The following KDM2B variants were observed in gnomAD, a reference collection of about 807,000 sequenced individuals.
KDM2B encodes the protein lysine demethylase 2B.
KDM2B carries 26 observed loss-of-function variants against 150.0 expected under a neutral mutation model. The ratio of observed to expected loss-of-function variants is 0.17; its 90% CI spans 0.13 to 0.24. The LOEUF is 0.24. KDM2B is among the 10% of genes least tolerant of loss of function. The pLI is 1.00. For synonymous variants in KDM2B, 734 were observed against 729.5 expected, an observed-to-expected ratio of 1.01 and a Z score of -0.10; for missense variants, 1,265 against 1,816.9, an observed-to-expected ratio of 0.70 and a Z score of 5.52.
chr12:121,421,371 TAAAAAAA>T, the KDM2B span, among the ~76,000 whole-genome samples: 2 of 46,378 alleles, frequency 4.3e-5, no homozygotes, highest in African/African-American at 6.8e-5. Context: ...ATCCCATCTC[TAAAAAAA>T]AAAAAAAAAA....
intron 4 of KDM2B, among the ~76,000 whole-genome samples, chr12:121,556,145 T>A (rs1241010568): frequency 6.6e-6 from 1 of 152,094 alleles, no homozygotes; most frequent in African/African-American, 2.4e-5. Flanking sequence ...CAGGCTGGTC[T>A]TGAACTCCTG....
chr12:121,451,111 C>G (rs782448092), intron 13 of KDM2B, among the ~76,000 whole-genome samples: 2 of 151,920 alleles, frequency 1.3e-5, no homozygotes, highest in East Asian at 1.9e-4. Flanking sequence ...TCTCCTGCCC[C>G]CCCCTTCTAC....
chr12:121,445,938 G>A (rs1876091581), intron 13 of KDM2B, among the ~76,000 whole-genome samples: 1 of 152,176 alleles, frequency 6.6e-6, no homozygotes, highest in Non-Finnish European at 1.5e-5. Flanking sequence ...TTTACAGAAA[G>A]GTTAGGAGGT....
chr12:121,467,184 C>T lies in KDM2B; in HGVS notation c.1735-13840G>A, dbSNP rs1180831465. On this transcript the variant is annotated intron_variant, in intron 12 of 22. Coordinates refer to ENST00000377071, the MANE Select transcript of KDM2B (RefSeq NM_032590.5). This position sits in a 1 kb window ranked among gnomAD's most constrained non-coding sequence, Gnocchi z 5.1. ...TGGTCCGGCTCCGATTCATAGTCGT[C>T]GTCCTCGGCGCTCACGGACATGGCC... 3 of 1,118,108 alleles carry T rather than the reference C, an allele frequency of 2.7e-6. No homozygotes were observed. Among genetic ancestry groups the T allele is most frequent in the Non-Finnish European group, 3.3e-6 (3 of 896,966 alleles). The allele number at this position is 1,118,108 out of a possible 1,614,324, so 69.3% of individuals were successfully genotyped here.
At position 121,430,585 on chromosome 12, in the gene KDM2B, C is replaced by T. The variant is rs1280337793; in HGVS notation, c.3830-116G>A. ...GTCAGAGCTCTACATATTCCAGTCC[C>T]TGCTGTGCTGCACTAAATAAAATGT... On this transcript the variant is annotated intron_variant, in intron 22 of 22. Transcript: ENST00000377071. This position sits in a 1 kb window ranked among gnomAD's most constrained non-coding sequence, Gnocchi z 4.4. The T allele has an allele frequency of 2.8e-6, 2 of 712,422 alleles. No homozygotes were observed. The highest frequency in any genetic ancestry group is 5.0e-6 in the Non-Finnish European group (2 of 399,088). 44.1% of individuals were successfully genotyped at this position (712,422 alleles called of 1,614,324 possible). A position where few individuals can be genotyped will look rare whatever the true frequency, so the allele number is the denominator to read the frequency against.
At chr12:121,477,904 T>A (rs976413833) in intron 12 of KDM2B, among the ~76,000 whole-genome samples, 17 of 151,824 alleles carry the variant, frequency 1.1e-4, no homozygotes, top group African/African-American at 3.1e-4. Flanking sequence ...AACTTTTTTT[T>A]ATCATTAAAA....
At chr12:121,505,741 T>C (rs1217409163) in intron 11 of KDM2B, among the ~76,000 whole-genome samples, 2 of 152,114 alleles carry the variant, frequency 1.3e-5, no homozygotes, top group African/African-American at 4.8e-5. Flanking sequence ...CCAAAGATCC[T>C]AGCAGGTCAG....
chr12:121,435,062 A>G (rs1191577183), intron 22 of KDM2B, among the ~76,000 whole-genome samples: 1 of 147,646 alleles, frequency 6.8e-6, no homozygotes, highest in African/African-American at 2.5e-5. Flanking sequence ...GGCCAGGTGC[A>G]GTGGCTCATG....
At position 121,452,981 on chromosome 12, in the gene KDM2B, A is replaced by C; in HGVS notation, c.1959+139T>G. 1 of 783,266 alleles carries C rather than the reference A, an allele frequency of 1.3e-6. No individual in the cohort carries two copies. The highest frequency in any genetic ancestry group is 2.0e-6 in the Non-Finnish European group (1 of 511,544). 48.5% of individuals were successfully genotyped at this position (783,266 alleles called of 1,614,324 possible). ...CGAAGCGGCCAGCGCCTTCCCGTCC[A>C]CAGGAAGAGCTCTCGGGGAGTCCAC... is the stretch of plus-strand genomic sequence containing the variant. On this transcript the variant is annotated intron_variant, in intron 13 of 22. Transcript: ENST00000377071. This position sits in a 1 kb window ranked among gnomAD's most constrained non-coding sequence, Gnocchi z 4.4.
intron 12 of KDM2B, among the ~76,000 whole-genome samples, chr12:121,488,293 G>A (rs971365386): frequency 3.9e-5 from 6 of 152,186 alleles, no homozygotes; most frequent in South Asian, 2.1e-4. Context: ...TCGTGTCCTC[G>A]ATTTCTATCA....
chr12:121,549,114 G>A lies in KDM2B; in HGVS notation c.577-131C>T, dbSNP rs1287673503. ...TGTGGGCTCAATAGTCCCAACATGGGAGGAAGGAAGGGCAGGGATGACAGG... is the reference window on the plus strand; with the variant it reads ...TGTGGGCTCAATAGTCCCAACATGGAAGGAAGGAAGGGCAGGGATGACAGG... On this transcript the variant is annotated intron_variant, in intron 5 of 22. Coordinates refer to ENST00000377071, the MANE Select transcript of KDM2B (RefSeq NM_032590.5). This position sits in a 1 kb window ranked among gnomAD's most constrained non-coding sequence, Gnocchi z 4.4. 7 of 694,630 alleles carry A rather than the reference G, an allele frequency of 1.0e-5. No individual in the cohort carries two copies. Among genetic ancestry groups the A allele is most frequent in the Non-Finnish European group, 1.7e-5 (7 of 405,958 alleles). The allele number at this position is 694,630 out of a possible 1,614,324, so 43.0% of individuals were successfully genotyped here.
chr12:121,478,476 C>T (rs868938250), intron 12 of KDM2B, among the ~76,000 whole-genome samples: 2 of 151,414 alleles, frequency 1.3e-5, no homozygotes, highest in South Asian at 4.2e-4. Context: ...TCTCCTGCCT[C>T]AGCCTCCCGA....
Position 121,580,957 on chromosome 12 carries a change from C to T in KDM2B, c.-46G>A. On this transcript the variant is annotated 5_prime_UTR_variant, in exon 1 of 23. Coordinates refer to ENST00000377071, the MANE Select transcript of KDM2B (RefSeq NM_032590.5). ...GCTCAGAAGGAAATTAGCTCGGCTT[C>T]CATACCTATAAGGACTGCCTAACTT... 6.2e-7 allele frequency: 1 copy of T among 1,606,540 alleles called. No individual in the cohort carries two copies. Among genetic ancestry groups the T allele is most frequent in the Non-Finnish European group, 8.5e-7 (1 of 1,177,022 alleles).
At chr12:121,449,910 G>C (rs1204737838) in intron 13 of KDM2B, among the ~76,000 whole-genome samples, 1 of 152,224 alleles carries the variant, frequency 6.6e-6, no homozygotes, top group Non-Finnish European at 1.5e-5. Flanking sequence ...AGAACTGACA[G>C]AGTGAAAAGG....
the KDM2B span, chr12:121,417,949 C>T: frequency 1.4e-5 from 23 of 1,592,128 alleles, no homozygotes; most frequent in South Asian, 7.9e-5. This position sits in a 1 kb window ranked among gnomAD's most constrained non-coding sequence, Gnocchi z 5.0. Context: ...GGGCCCGGCA[C>T]GCTTATTCTT....
intron 12 of KDM2B, among the ~76,000 whole-genome samples, chr12:121,463,929 G>GA (rs140914980): frequency 0.017 from 2,496 of 142,704 alleles, 50 homozygotes; most frequent in East Asian, 0.13. Flanking sequence ...CACATCAAGA[G>GA]AAAAAAAAAA....
chr12:121,471,634 T>C (rs550902460), intron 12 of KDM2B, among the ~76,000 whole-genome samples: 1 of 152,290 alleles, frequency 6.6e-6, no homozygotes, highest in Non-Finnish European at 1.5e-5. Flanking sequence ...GGGCAGCAGC[T>C]GTCCCCGTGG....
At chr12:121,560,054 G>C (rs1189714263) in intron 4 of KDM2B, among the ~76,000 whole-genome samples, 1 of 152,134 alleles carries the variant, frequency 6.6e-6, no homozygotes, top group Admixed American at 6.6e-5. Flanking sequence ...ACCCAGGCTG[G>C]AGTGCAATGG....
intron 12 of KDM2B, among the ~76,000 whole-genome samples, chr12:121,477,279 C>T (rs958116845): frequency 6.6e-5 from 10 of 152,024 alleles, no homozygotes; most frequent in Non-Finnish European, 1.3e-4. Flanking sequence ...ACCTTGGCTT[C>T]TAAAAATGGT....
Sources: gnomAD v4.1 joint callset for allele counts (sites outside exome capture counted in the v4.1 genomes callset) on GRCh38, gnomAD v4.1.1 for gene constraint, Gnocchi (gnomAD v3.1) non-coding constraint, MANE v1.5 for transcripts, NCBI Gene and HGNC (gene_info 2026-07-23, HGNC 2026-07-21) for gene names.